ARHGEF4: variants seen among roughly 807,000 people sequenced by gnomAD.
The protein encoded by ARHGEF4 is APC-stimulated guanine nucleotide exchange factor 1.
Under a neutral mutation model 162.0 loss-of-function variants are expected in ARHGEF4, and 119 were observed. That is an observed-to-expected ratio of 0.73 (90% CI 0.63 to 0.86). The LOEUF (loss-of-function observed/expected upper bound fraction) is 0.86, where lower values mean the gene tolerates loss of function less well. ARHGEF4 is among the 40% of genes least tolerant of loss of function. The pLI, the probability that ARHGEF4 is intolerant of heterozygous loss-of-function variation, is 0.00. For synonymous variants in ARHGEF4, 1,014 were observed against 979.9 expected (o/e 1.03, Z -0.65); for missense variants, 2,488 against 2,456.0 (o/e 1.01, Z -0.28).
chr2:130,978,580 A>C (rs1685907746), intron 4 of ARHGEF4, among the ~76,000 whole-genome samples: 1 of 152,254 alleles, frequency 6.6e-6, no homozygotes, highest in Non-Finnish European at 1.5e-5. Flanking sequence ...GTGTCGCATT[A>C]CAAAAGAAAA....
chr2:130,960,622 G>T lies in ARHGEF4; in HGVS notation c.3985+13987G>T, dbSNP rs532201181. Among the ~76,000 whole-genome samples, 8 of 152,272 alleles carry T rather than the reference G, an allele frequency of 5.3e-5. No individual in the cohort carries two copies. The South Asian group carries it at 1.5e-3, about 28-fold the overall frequency. ...TAAATGTACCTAAATGATTATTTAT[G>T]ATTATAAACCTACCATATGATGGTA... is the stretch of plus-strand genomic sequence containing the variant. On this transcript the variant is annotated intron_variant, in intron 4 of 13. Transcript: ENST00000409359.
intron 4 of ARHGEF4, among the ~76,000 whole-genome samples, chr2:130,975,452 T>C (rs1161834424): frequency 2.0e-5 from 3 of 152,108 alleles, no homozygotes; most frequent in African/African-American, 7.2e-5. Flanking sequence ...GCCCCTACCT[T>C]AGTCATCCCA....
chr2:130,854,564 T>G (rs1428406040), intron 1 of ARHGEF4, among the ~76,000 whole-genome samples: 1 of 152,176 alleles, frequency 6.6e-6, no homozygotes, highest in African/African-American at 2.4e-5. Context: ...CTGAGAAGTC[T>G]GGGGATCACT....
intron 3 of ARHGEF4, among the ~76,000 whole-genome samples, chr2:130,942,744 G>C (rs1182211536): frequency 6.6e-6 from 1 of 152,140 alleles, no homozygotes; most frequent in South Asian, 2.1e-4. Context: ...AAAAATAATA[G>C]AATTACCTTT....
At chr2:130,981,010 C>T (rs72861489) in intron 4 of ARHGEF4, among the ~76,000 whole-genome samples, 4,957 of 152,278 alleles carry the variant, frequency 0.033, 115 homozygotes, top group Middle Eastern at 0.065. Flanking sequence ...CATTTCTGTT[C>T]TCACCTACTT....
intron 4 of ARHGEF4, among the ~76,000 whole-genome samples, chr2:130,956,720 A>T (rs1363566762): frequency 6.6e-6 from 1 of 151,730 alleles, no homozygotes; most frequent in Non-Finnish European, 1.5e-5. Flanking sequence ...TATCACAAGG[A>T]CAAAAAACCA....
At chr2:130,965,491 T>C (rs947204898) in intron 4 of ARHGEF4, among the ~76,000 whole-genome samples, 5 of 152,222 alleles carry the variant, frequency 3.3e-5, no homozygotes, top group Admixed American at 2.6e-4. Context: ...TTCCATCACA[T>C]CCCTGTTCCC....
chr2:130,885,433 C>T (rs116681094), intron 1 of ARHGEF4, among the ~76,000 whole-genome samples: 2,152 of 151,726 alleles, frequency 0.014, 80 homozygotes, highest in African/African-American at 0.049. Flanking sequence ...AAAGAACCCT[C>T]GTGGCCCAAT....
At chr2:131,011,770 C>A in intron 4 of ARHGEF4, 2 of 930,338 alleles carry the variant, frequency 2.1e-6, no homozygotes, top group South Asian at 1.4e-5. Flanking sequence ...AGCTCTCAGG[C>A]AGAGGAATGA....
At chr2:130,976,635 A>T (rs1037299677) in intron 4 of ARHGEF4, among the ~76,000 whole-genome samples, 4 of 152,184 alleles carry the variant, frequency 2.6e-5, no homozygotes, top group Non-Finnish European at 5.9e-5. Context: ...AAATTTCAGA[A>T]ATAAATACGA....
chr2:130,924,046 A>C (rs928889610), intron 2 of ARHGEF4, among the ~76,000 whole-genome samples: 1 of 150,956 alleles, frequency 6.6e-6, no homozygotes, highest in African/African-American at 2.4e-5. Context: ...ACACTCGGCT[A>C]ATTTTTTTGT....
At chr2:130,844,774 A>C (rs1680836534) in intron 1 of ARHGEF4, among the ~76,000 whole-genome samples, 2 of 151,972 alleles carry the variant, frequency 1.3e-5, no homozygotes, top group South Asian at 4.2e-4. Flanking sequence ...ACTATTAGCT[A>C]TCCCCCGCCA....
At chr2:130,955,186 A>G (rs1684194549) in intron 4 of ARHGEF4, among the ~76,000 whole-genome samples, 1 of 152,144 alleles carries the variant, frequency 6.6e-6, no homozygotes, top group Admixed American at 6.5e-5. Context: ...CTGTCATCAC[A>G]TCTTTTGTCT....
intron 1 of ARHGEF4, among the ~76,000 whole-genome samples, chr2:130,842,647 C>T (rs1680684897): frequency 6.6e-6 from 1 of 152,182 alleles, no homozygotes. Context: ...AGGGGCTGGC[C>T]ATGCAGGCAG....
chr2:130,920,246 C>T (rs1574231185), intron 2 of ARHGEF4, among the ~76,000 whole-genome samples: 1 of 152,148 alleles, frequency 6.6e-6, no homozygotes, highest in Non-Finnish European at 1.5e-5. Context: ...GTTGCTGAGC[C>T]CCCAGGCATG....
chr2:131,000,484 A>G (rs1345163040), intron 4 of ARHGEF4, among the ~76,000 whole-genome samples: 1 of 152,138 alleles, frequency 6.6e-6, no homozygotes, highest in African/African-American at 2.4e-5. Context: ...CTATTTTCTG[A>G]AGCAACTTGT....
chr2:131,026,730 G>T (rs567974355), intron 4 of ARHGEF4, among the ~76,000 whole-genome samples: 1 of 152,110 alleles, frequency 6.6e-6, no homozygotes, highest in African/African-American at 2.4e-5. Flanking sequence ...TAAATGTCTC[G>T]TAATGCCAAT....
At chr2:130,933,811 A>G (rs1215672439) in intron 3 of ARHGEF4, among the ~76,000 whole-genome samples, 1 of 152,200 alleles carries the variant, frequency 6.6e-6, no homozygotes, top group Non-Finnish European at 1.5e-5. Flanking sequence ...TTTATTAGCT[A>G]TAATAATATT....
chr2:131,045,261 T>C, intron 12 of ARHGEF4, 108 bp from the exon 13 acceptor site: 1 of 1,056,096 alleles, frequency 9.5e-7, no homozygotes, highest in Non-Finnish European at 1.4e-6. Context: ...CAGTACTGAG[T>C]CCCCAGTACA....
Sources: gnomAD v4.1 joint callset for allele counts (sites outside exome capture counted in the v4.1 genomes callset) on GRCh38, gnomAD v4.1.1 for gene constraint, MANE v1.5 for transcripts, NCBI Gene and HGNC (gene_info 2026-07-23, HGNC 2026-07-21) for gene names.